The following GABRA5 variants were observed in gnomAD, a reference collection of about 807,000 sequenced individuals.
GABRA5 encodes gamma-aminobutyric acid receptor subunit alpha-5.
In GABRA5, 18 loss-of-function variants were observed where a neutral mutation model predicts 47.3. The observed-to-expected ratio is 0.38, with a 90% CI of 0.26 to 0.56. GABRA5 has a LOEUF of 0.56. GABRA5 is among the 20% of genes least tolerant of loss of function. The probability of loss-of-function intolerance (pLI) is 0.71; values close to 1 mark genes in which losing one functional copy is unlikely to be tolerated. For synonymous variants in GABRA5, 237 were observed against 229.3 expected (o/e 1.03, Z -0.30); for missense variants, 365 against 599.3 (o/e 0.61, Z 4.08).
intron 3 of GABRA5, among the ~76,000 whole-genome samples, chr15:26,872,679 A>G (rs1176928347): frequency 6.6e-6 from 1 of 152,226 alleles, no homozygotes; most frequent in African/African-American, 2.4e-5. Flanking sequence ...ATTCTAGGAC[A>G]AGAGAAGTGC....
chr15:26,943,959 A>C (rs1473917667), intron 10 of GABRA5, among the ~76,000 whole-genome samples: 1 of 152,242 alleles, frequency 6.6e-6, no homozygotes, highest in Non-Finnish European at 1.5e-5. Flanking sequence ...AAACATTTGA[A>C]GAAAAAATGT....
At position 26,948,124 on chromosome 15, in the gene GABRA5, A is replaced by G; in HGVS notation, c.1280A>G (p.Lys427Arg). 1 of 1,613,504 alleles carries G rather than the reference A, an allele frequency of 6.2e-7. No individual in the cohort carries two copies. Among genetic ancestry groups the G allele is most frequent in the Non-Finnish European group, 8.5e-7 (1 of 1,179,730 alleles). The change falls in exon 11 of 11, where the codon AAA (lysine) becomes AGA (arginine). Residue 427 changes from lysine to arginine, a missense_variant. Around this residue, in one of 3 missense-constraint regions of GABRA5, gnomAD observed 106 missense variants for 130.3 expected, o/e 0.81. Coordinates refer to ENST00000335625, the MANE Select transcript of GABRA5 (RefSeq NM_000810.4). Reference protein sequence around the residue: ...KTYNSISKIDKMSRIVFPVLF... With the variant: ...KTYNSISKIDRMSRIVFPVLF... ...TACAACAGTATCAGCAAAATTGACA[A>G]AATGTCCCGAATCGTATTCCCAGTC...
chr15:26,915,811 T>C (rs1415816454), intron 7 of GABRA5, among the ~76,000 whole-genome samples: 1 of 152,200 alleles, frequency 6.6e-6, no homozygotes, highest in African/African-American at 2.4e-5. Context: ...CCCACTCCTC[T>C]GCTGAGTAAC....
rs779873187 is a variant in GABRA5, at chr15:26,947,995, A to AC, written c.1157dup (p.Asn387LysfsTer23). On this transcript the variant is annotated frameshift_variant, in exon 11 of 11. Transcript: ENST00000335625. LOFTEE classifies it high-confidence loss of function. ...GCTTTTACAACTGGGAAGATGTCTC[A>AC]CCCCCCAAACATTCCGAAGGAACAG... 1 of 1,597,858 alleles carries AC rather than the reference A, an allele frequency of 6.3e-7. No individual in the cohort carries two copies. Among genetic ancestry groups the AC allele is most frequent in the Non-Finnish European group, 8.5e-7 (1 of 1,171,722 alleles).
chr15:26,883,725 T>A lies in GABRA5; in HGVS notation c.497+168T>A, dbSNP rs1236232563. On this transcript the variant is annotated intron_variant, in intron 6 of 10. Transcript: ENST00000335625. This position sits in a 1 kb window ranked among gnomAD's most constrained non-coding sequence, Gnocchi z 4.8. ...TGCCATCTGCCCACACCAGCGCTCT[T>A]GGACGTTCTTTCCCAGGGCTGCCAT... is the stretch of plus-strand genomic sequence containing the variant. 1.3e-5 allele frequency among the ~76,000 whole-genome samples: 2 copies of A among 152,238 alleles called. No individual in the cohort carries two copies. The highest frequency in any genetic ancestry group is 2.9e-5 in the Non-Finnish European group (2 of 68,042).
chr15:26,901,706 G>T (rs781661992), intron 6 of GABRA5, among the ~76,000 whole-genome samples: 34 of 152,112 alleles, frequency 2.2e-4, no homozygotes, highest in Middle Eastern at 6.8e-3. Flanking sequence ...TGTGCTTTTG[G>T]TATCTCATCT....
At chr15:26,894,240 A>T (rs1595405997) in intron 6 of GABRA5, among the ~76,000 whole-genome samples, 1 of 152,134 alleles carries the variant, frequency 6.6e-6, no homozygotes, top group Non-Finnish European at 1.5e-5. Context: ...CCGCGAATCC[A>T]CTACACTTCT....
intron 7 of GABRA5, among the ~76,000 whole-genome samples, chr15:26,925,634 C>G (rs1893943564): frequency 6.6e-6 from 1 of 152,026 alleles, no homozygotes; most frequent in African/African-American, 2.4e-5. Flanking sequence ...CATCTGAATC[C>G]TATTGGGATT....
intron 6 of GABRA5, among the ~76,000 whole-genome samples, chr15:26,891,089 C>T (rs1008003870): frequency 2.0e-5 from 3 of 152,188 alleles, no homozygotes; most frequent in African/African-American, 7.2e-5. Flanking sequence ...ATATTCTGGG[C>T]CTGTTGAGAA....
chr15:26,945,207 C>A (rs1203841741), intron 10 of GABRA5, among the ~76,000 whole-genome samples: 1 of 152,126 alleles, frequency 6.6e-6, no homozygotes, highest in Non-Finnish European at 1.5e-5. Context: ...GAAGGCTCTG[C>A]GTGCTGGAAG....
chr15:26,942,954 C>T (rs1894419688), intron 9 of GABRA5, among the ~76,000 whole-genome samples: 1 of 152,120 alleles, frequency 6.6e-6, no homozygotes, highest in South Asian at 2.1e-4. Context: ...TGTGGTGACA[C>T]CTGCCTGTAA....
chr15:26,883,579 G>A lies in GABRA5; in HGVS notation c.497+22G>A, dbSNP rs753693567. ...TGCGGTGAGCGCCGGGCGGGGGCGG[G>A]CGGGGCCGGGGGACGGTGCGGGGCA... On this transcript the variant is annotated intron_variant, in intron 6 of 10. Transcript: ENST00000335625. This position sits in a 1 kb window ranked among gnomAD's most constrained non-coding sequence, Gnocchi z 4.8. 3 of 1,501,548 alleles carry A rather than the reference G, an allele frequency of 2.0e-6. No individual in the cohort carries two copies. The South Asian group carries it at 3.6e-5, about 18-fold the overall frequency. 93.0% of individuals were successfully genotyped at this position (1,501,548 alleles called of 1,614,324 possible). A position where few individuals can be genotyped will look rare whatever the true frequency, so the allele number is the denominator to read the frequency against.
At chr15:26,871,479 T>C (rs1276511537) in intron 3 of GABRA5, among the ~76,000 whole-genome samples, 11 of 152,178 alleles carry the variant, frequency 7.2e-5, no homozygotes, top group Non-Finnish European at 1.6e-4. Flanking sequence ...GAAAATTAAC[T>C]GTTGGAGCAG....
chr15:26,873,804 A>G (rs1481280587), intron 3 of GABRA5, among the ~76,000 whole-genome samples: 1 of 152,208 alleles, frequency 6.6e-6, no homozygotes, highest in Non-Finnish European at 1.5e-5. Context: ...CCACTGAAGC[A>G]GGGAGCAGGA....
Position 26,948,379 on chromosome 15 carries a change from C to A in GABRA5, c.*146C>A, listed in dbSNP as rs1486323756. ...TAATAATATGTACAAATAATATTGC[C>A]TTGATGTTTCTATATGTAACTTCAG... On this transcript the variant is annotated 3_prime_UTR_variant, in exon 11 of 11. Transcript: ENST00000335625. The A allele has an allele frequency of 1.4e-6, 1 of 695,770 alleles. No individual in the cohort carries two copies. Among genetic ancestry groups the A allele is most frequent in the African/African-American group, 1.8e-5 (1 of 55,480 alleles). 43.1% of individuals were successfully genotyped at this position (695,770 alleles called of 1,614,324 possible).
chr15:26,887,119 C>T (rs1892898603), intron 6 of GABRA5, among the ~76,000 whole-genome samples: 1 of 152,128 alleles, frequency 6.6e-6, no homozygotes, highest in African/African-American at 2.4e-5. Flanking sequence ...ACATAGTATC[C>T]ATCTCAAGGA....
intron 7 of GABRA5, among the ~76,000 whole-genome samples, chr15:26,928,888 G>A (rs891518938): frequency 7.9e-5 from 12 of 152,126 alleles, no homozygotes; most frequent in South Asian, 2.1e-4. Context: ...CACGATGGAA[G>A]GGGTGAGTGA....
chr15:26,880,589 C>T, intron 3 of GABRA5: 1 of 324,710 alleles, frequency 3.1e-6, no homozygotes, highest in Non-Finnish European at 5.7e-6. Context: ...TAAACCAATT[C>T]CTTAGAATCA....
intron 7 of GABRA5, among the ~76,000 whole-genome samples, 185 bp from the exon 8 acceptor site, chr15:26,937,000 G>A (rs1406701979): frequency 6.6e-6 from 1 of 152,180 alleles, no homozygotes; most frequent in African/African-American, 2.4e-5. Flanking sequence ...CTTTAGACAT[G>A]GGAAGATGCC....
Sources: allele counts gnomAD v4.1 joint callset (sites outside exome capture counted in the v4.1 genomes callset), GRCh38; gene constraint gnomAD v4.1.1; regional missense constraint gnomAD v4.1.1; non-coding constraint Gnocchi (gnomAD v3.1); transcripts MANE v1.5; gene names NCBI Gene and HGNC (gene_info 2026-07-23, HGNC 2026-07-21).